The following CCDC88A variants were observed in gnomAD, a reference collection of about 807,000 sequenced individuals.
CCDC88A encodes the protein coiled-coil and HOOK domain protein 88A, also known as girdin.
A neutral mutation model predicts 234.3 loss-of-function variants in CCDC88A; 54 were observed. That is an observed-to-expected ratio of 0.23 (90% CI 0.19 to 0.29). The LOEUF is 0.29. CCDC88A is among the 10% of genes least tolerant of loss of function. The probability of loss-of-function intolerance (pLI) is 1.00; values close to 1 mark genes in which losing one functional copy is unlikely to be tolerated. For missense variants in CCDC88A, 1,832 were observed against 2,123.4 expected, an observed-to-expected ratio of 0.86 and a Z score of 2.70; for synonymous variants, 753 against 737.8, an observed-to-expected ratio of 1.02 and a Z score of -0.33.
At chr2:55,329,319 C>A (rs1684647399) in intron 16 of CCDC88A, 1 of 151,998 alleles carries the variant, frequency 6.6e-6, no homozygotes, top group Non-Finnish European at 1.5e-5. Context: ...ACCTGAAGAC[C>A]CTGAAGACAA....
intron 17 of CCDC88A, among the ~76,000 whole-genome samples, chr2:55,327,400 A>C (rs913740871): frequency 1.3e-5 from 2 of 152,198 alleles, no homozygotes; most frequent in African/African-American, 4.8e-5. Flanking sequence ...GAGTTGCTGC[A>C]AGAGGTAATG....
At chr2:55,377,759 G>A (rs1289957339) in intron 3 of CCDC88A, among the ~76,000 whole-genome samples, 3 of 151,810 alleles carry the variant, frequency 2.0e-5, no homozygotes, top group Admixed American at 6.6e-5. Context: ...ACAGGCGCAC[G>A]CCACCATGCC....
At chr2:55,293,651 C>T (rs1679694646) in intron 31 of CCDC88A, 1 of 152,108 alleles carries the variant, frequency 6.6e-6, no homozygotes, top group South Asian at 2.1e-4. Context: ...ATTTCATCCC[C>T]ACATGGTCAC....
At chr2:55,331,165 A>G (rs1684867732) in intron 16 of CCDC88A, among the ~76,000 whole-genome samples, 3 of 152,256 alleles carry the variant, frequency 2.0e-5, no homozygotes, top group African/African-American at 4.8e-5. Context: ...CATGCAGTAC[A>G]GTGTCTTACA....
At chr2:55,382,187 C>T (rs1327742211) in intron 3 of CCDC88A, among the ~76,000 whole-genome samples, 1 of 152,040 alleles carries the variant, frequency 6.6e-6, no homozygotes, top group Non-Finnish European at 1.5e-5. Context: ...CCAAATGTTG[C>T]TTATTATAAC....
Position 55,295,723 on chromosome 2 carries a change from T to C in CCDC88A, c.5425A>G (p.Ile1809Val). 6.2e-7 allele frequency: 1 copy of C among 1,614,240 alleles called. No homozygotes were observed. The highest frequency in any genetic ancestry group is 8.5e-7 in the Non-Finnish European group (1 of 1,180,040). Residue 1809 changes from isoleucine (I) to valine (V), a missense_variant, in exon 31 of 33, where the codon ATC (isoleucine) becomes GTC (valine). Coordinates refer to ENST00000436346, the MANE Select transcript of CCDC88A (RefSeq NM_001365480.1). The stretch of plus-strand genomic sequence containing the variant: ...CGTGTAGTTCCTTCGGCAGTTGAGA[T>C]CACGCTGCTTGCACGAGGTAAAGTT... ...YATLPRASSV[I>V]STAEGTTRRT...
intron 8 of CCDC88A, among the ~76,000 whole-genome samples, chr2:55,353,511 C>T (rs903954024): frequency 1.3e-5 from 2 of 152,040 alleles, no homozygotes; most frequent in Non-Finnish European, 2.9e-5. Context: ...TTCCTATGGA[C>T]TGTAATATTT....
chr2:55,299,808 G>C (rs1396734039), intron 29 of CCDC88A, 31 bp downstream of exon 29: 5 of 1,395,414 alleles, frequency 3.6e-6, no homozygotes, highest in Middle Eastern at 1.8e-4. Flanking sequence ...GAAATGGATA[G>C]AGCGCATTAA....
At chr2:55,291,577 T>C (rs1679455426) in intron 32 of CCDC88A, 99 bp downstream of exon 32, 1 of 486,420 alleles carries the variant, frequency 2.1e-6, no homozygotes, top group Non-Finnish European at 3.7e-6. Flanking sequence ...GCAAGCAATA[T>C]TTACATCTGT....
At chr2:55,349,247 C>T in intron 9 of CCDC88A, 1 of 366,070 alleles carries the variant, frequency 2.7e-6, no homozygotes, top group Non-Finnish European at 4.8e-6. Flanking sequence ...GCCACAGAAG[C>T]CAAACACATC....
intron 5 of CCDC88A, among the ~76,000 whole-genome samples, chr2:55,365,648 C>G (rs1325590850): frequency 1.3e-5 from 2 of 152,130 alleles, no homozygotes; most frequent in African/African-American, 2.4e-5. Context: ...GTAACACACA[C>G]GATTTCTACT....
rs764672765 is a variant in CCDC88A, at chr2:55,317,547, A to G, written c.3602+17T>C. On this transcript the variant is annotated intron_variant, in intron 20 of 32. Transcript: ENST00000436346. This position sits in a 1 kb window ranked among gnomAD's most constrained non-coding sequence, Gnocchi z 4.2. ...ATTCATTTTAAATTCACAGTACAAC[A>G]AAATATAATAAATTACCGGTCTTCA... 13 of 1,517,282 alleles carry G rather than the reference A, an allele frequency of 8.6e-6. 1 individual carries two copies. The South Asian group carries it at 1.7e-4, about 20-fold the overall frequency. 94.0% of individuals were successfully genotyped at this position (1,517,282 alleles called of 1,614,324 possible).
At chr2:55,369,321 CCAT>C (rs1382154717) in intron 5 of CCDC88A, among the ~76,000 whole-genome samples, 2 of 152,094 alleles carry the variant, frequency 1.3e-5, no homozygotes, top group African/African-American at 4.8e-5. Flanking sequence ...GTGTGAGCCA[CCAT>C]GTCTGGCCTG....
At chr2:55,312,800 A>G (rs1682488297) in intron 22 of CCDC88A, 1 of 333,384 alleles carries the variant, frequency 3.0e-6, no homozygotes, top group African/African-American at 2.3e-5. Context: ...TTTCACAAAC[A>G]CTGGGTCTAA....
chr2:55,371,078 A>G (rs918515467), intron 5 of CCDC88A, among the ~76,000 whole-genome samples: 1 of 152,178 alleles, frequency 6.6e-6, no homozygotes, highest in Non-Finnish European at 1.5e-5. Context: ...CCACCAAGCA[A>G]TAACCAGCAA....
intron 2 of CCDC88A, among the ~76,000 whole-genome samples, chr2:55,391,347 T>C (rs1676611433): frequency 8.8e-6 from 1 of 113,932 alleles, no homozygotes; most frequent in African/African-American, 2.6e-5. Context: ...AAGGACAAGG[T>C]CCAGACACTC....
intron 5 of CCDC88A, among the ~76,000 whole-genome samples, chr2:55,369,348 A>G (rs1455737827): frequency 1.3e-5 from 2 of 151,716 alleles, no homozygotes; most frequent in East Asian, 3.9e-4. Flanking sequence ...TCTGAACTCT[A>G]TCTTAAAGTG....
At chr2:55,399,159 A>C (rs1416136799) in intron 2 of CCDC88A, among the ~76,000 whole-genome samples, 1 of 152,146 alleles carries the variant, frequency 6.6e-6, no homozygotes, top group Non-Finnish European at 1.5e-5. Flanking sequence ...AATGTCTAAA[A>C]GGAATAAATC....
chr2:55,372,406 T>G (rs973096017), intron 5 of CCDC88A, 46 bp downstream of exon 5: 1 of 923,734 alleles, frequency 1.1e-6, no homozygotes, highest in African/African-American at 1.7e-5. Flanking sequence ...TAAAAATATA[T>G]AAAGAGGTTG....
Sources: gnomAD v4.1 joint callset for allele counts (sites outside exome capture counted in the v4.1 genomes callset) on GRCh38, gnomAD v4.1.1 for gene constraint, Gnocchi (gnomAD v3.1) non-coding constraint, MANE v1.5 for transcripts, NCBI Gene and HGNC (gene_info 2026-07-23, HGNC 2026-07-21) for gene names.